Variants in CDC5L observed in about 807,000 individuals in gnomAD.
CDC5L encodes cell division cycle 5 like.
CDC5L carries 18 observed loss-of-function variants against 104.1 expected under a neutral mutation model. That is an observed-to-expected ratio of 0.17 (90% CI 0.12 to 0.26). CDC5L has a LOEUF of 0.26. Ranked by LOEUF, CDC5L falls within the 10% of genes least tolerant of loss-of-function variation. The probability of loss-of-function intolerance (pLI) is 1.00; values close to 1 mark genes in which losing one functional copy is unlikely to be tolerated. For missense variants in CDC5L, 673 were observed against 956.9 expected, an observed-to-expected ratio of 0.70 and a Z score of 3.91; for synonymous variants, 331 against 322.7, an observed-to-expected ratio of 1.03 and a Z score of -0.28.
At chr6:44,431,967 AACTT>A (rs1233359709) in intron 14 of CDC5L, among the ~76,000 whole-genome samples, 1 of 152,212 alleles carries the variant, frequency 6.6e-6, no homozygotes, top group Non-Finnish European at 1.5e-5. Flanking sequence ...ACTCTTGGAT[AACTT>A]ACTTTATTGT....
Position 44,387,885 on chromosome 6 carries a change from C to T in CDC5L, c.45+17C>T, listed in dbSNP as rs1246531850. ...AATACCGAGGTAAGTCTCCTTTTCC[C>T]GCCGTCCGCTGCCCGCCGCTCCCTC... On this transcript the variant is annotated intron_variant, in intron 1 of 15. Coordinates refer to ENST00000371477, the MANE Select transcript of CDC5L (RefSeq NM_001253.4). 2 of 1,554,418 alleles carry T rather than the reference C, an allele frequency of 1.3e-6. No homozygotes were observed. Among genetic ancestry groups the T allele is most frequent in the African/African-American group, 1.4e-5 (1 of 73,152 alleles).
rs371556779 is a variant in CDC5L at position 44,406,443 on chromosome 6, C to T, written c.879C>T (p.Ser293=). 3 of 1,610,270 alleles carry T rather than the reference C, an allele frequency of 1.9e-6. No individual in the cohort carries two copies. Among genetic ancestry groups the T allele is most frequent in the Non-Finnish European group, 2.5e-6 (3 of 1,179,082 alleles). The part of the protein sequence containing the change: ...SGVSEFTKKR[S]KLVLPAPQIS... The stretch of plus-strand genomic sequence containing the variant: ...TTTCTGAATTTACTAAAAAGAGAAG[C>T]AAACTAGTACTTCCTGCCCCTCAGG... Residue 293 remains serine (S), a synonymous_variant, in exon 7 of 16, where the codon AGC becomes AGT. Transcript: ENST00000371477.
chr6:44,433,997 G>A (rs931514003), intron 14 of CDC5L, among the ~76,000 whole-genome samples: 3 of 152,100 alleles, frequency 2.0e-5, no homozygotes, highest in Admixed American at 2.0e-4. Context: ...TTGTGTAGAG[G>A]TGGGGGAAGT....
At chr6:44,410,716 G>A (rs1327344155) in intron 8 of CDC5L, among the ~76,000 whole-genome samples, 1 of 152,034 alleles carries the variant, frequency 6.6e-6, no homozygotes, top group Non-Finnish European at 1.5e-5. Flanking sequence ...TATCTTACAT[G>A]ATTTATGATG....
rs1792330750 is a variant in CDC5L, at chr6:44,424,501, A to T, written c.1487A>T (p.Glu496Val). The change falls in exon 11 of 16, where the codon GAA becomes GTA. Residue 496 changes from glutamate (E) to valine (V), a missense_variant. Coordinates refer to ENST00000371477, the MANE Select transcript of CDC5L (RefSeq NM_001253.4). ...PKNDFEIVLP[E>V]NAEKELEERE... ...AATGATTTTGAAATTGTTCTACCAG[A>T]AAATGCCGAGAAGGAGCTGGAAGAA... is the stretch of plus-strand genomic sequence containing the variant. The T allele has an allele frequency of 1.2e-6, 2 of 1,613,856 alleles. No homozygotes were observed. Among genetic ancestry groups the T allele is most frequent in the Non-Finnish European group, 1.7e-6 (2 of 1,179,904 alleles).
chr6:44,440,977 G>A (rs1292226619), intron 14 of CDC5L, among the ~76,000 whole-genome samples: 1 of 152,032 alleles, frequency 6.6e-6, no homozygotes, highest in Non-Finnish European at 1.5e-5. Context: ...CAAAGTGTTG[G>A]GATTACAGGT....
chr6:44,436,212 C>T (rs1285763042), intron 14 of CDC5L, among the ~76,000 whole-genome samples: 1 of 152,182 alleles, frequency 6.6e-6, no homozygotes, highest in Non-Finnish European at 1.5e-5. Flanking sequence ...CTATATCACC[C>T]TTAGAGTTAC....
chr6:44,432,398 G>A (rs1336765029), intron 14 of CDC5L, among the ~76,000 whole-genome samples: 1 of 152,094 alleles, frequency 6.6e-6, no homozygotes, highest in Non-Finnish European at 1.5e-5. Flanking sequence ...TGCCATGGCT[G>A]CCAGTGTGTT....
intron 8 of CDC5L, among the ~76,000 whole-genome samples, chr6:44,411,318 G>A (rs577021719): frequency 1.3e-5 from 2 of 152,138 alleles, no homozygotes; most frequent in African/African-American, 4.8e-5. Flanking sequence ...GTCAGTGTTA[G>A]TTCTTTTGGG....
chr6:44,396,260 A>G (rs1276382288), intron 4 of CDC5L, 81 bp from the exon 5 acceptor site: 3 of 770,108 alleles, frequency 3.9e-6, no homozygotes, highest in Non-Finnish European at 6.4e-6. Flanking sequence ...TTTGAGCAAT[A>G]GAGTGTCTCT....
At chr6:44,416,085 T>C (rs573422744) in intron 8 of CDC5L, among the ~76,000 whole-genome samples, 1 of 152,322 alleles carries the variant, frequency 6.6e-6, no homozygotes, top group East Asian at 1.9e-4. Context: ...GGAGTTTTGC[T>C]TCTGTCTCTT....
intron 5 of CDC5L, among the ~76,000 whole-genome samples, chr6:44,400,440 T>A (rs1340779795): frequency 1.3e-5 from 2 of 152,220 alleles, no homozygotes; most frequent in East Asian, 3.8e-4. Context: ...CAGGCTGGAG[T>A]GCAGTGGCAT....
chr6:44,391,415 AT>A (rs1265532073), intron 2 of CDC5L, among the ~76,000 whole-genome samples: 1 of 151,854 alleles, frequency 6.6e-6, no homozygotes, highest in South Asian at 2.1e-4. Flanking sequence ...TTCCCGGCTA[AT>A]TTTTTGTATT....
At chr6:44,414,432 A>AT (rs1234219072) in intron 8 of CDC5L, among the ~76,000 whole-genome samples, 1 of 83,136 alleles carries the variant, frequency 1.2e-5, no homozygotes, top group Non-Finnish European at 2.6e-5. Flanking sequence ...GTGTGTGTGT[A>AT]TTTTTTTTTA....
intron 11 of CDC5L, 76 bp from the exon 12 acceptor site, chr6:44,426,027 C>G: frequency 1.0e-6 from 1 of 960,472 alleles, no homozygotes; most frequent in South Asian, 1.7e-5. Flanking sequence ...TCTTACATAC[C>G]AAAGTGTTTT....
In CDC5L at chr6:44,412,602, G is replaced by GTT. The variant is rs34931855; in HGVS notation, c.1092+3979_1092+3980dup. ...TTCACACTTGAAATTAAAAAAAATA[G>GTT]TTTTTTTTTTAATTTTGGGAAAAAA... On this transcript the variant is annotated intron_variant, in intron 8 of 15. Coordinates refer to ENST00000371477, the MANE Select transcript of CDC5L (RefSeq NM_001253.4). Among the ~76,000 whole-genome samples, 416 of 148,166 alleles carry GTT rather than the reference G, an allele frequency of 2.8e-3. 2 individuals are homozygous for GTT. Among genetic ancestry groups the GTT allele is most frequent in the African/African-American group, 8.2e-3 (332 of 40,288 alleles).
chr6:44,420,104 A>T (rs1792093888), intron 9 of CDC5L, among the ~76,000 whole-genome samples: 1 of 152,184 alleles, frequency 6.6e-6, no homozygotes, highest in Non-Finnish European at 1.5e-5. Flanking sequence ...GCATTTTATT[A>T]TGAAAATTTC....
chr6:44,404,926 C>G (rs1266094204), intron 6 of CDC5L, among the ~76,000 whole-genome samples: 1 of 152,096 alleles, frequency 6.6e-6, no homozygotes, highest in Non-Finnish European at 1.5e-5. Flanking sequence ...CTCCTAGGCT[C>G]AAGCTACCCT....
chr6:44,441,300 G>A (rs1793175861), intron 14 of CDC5L, among the ~76,000 whole-genome samples: 1 of 152,184 alleles, frequency 6.6e-6, no homozygotes, highest in Admixed American at 6.5e-5. Context: ...GTGTCCATCT[G>A]TTGTTGCAAA....
Sources: gnomAD v4.1 joint callset for allele counts (sites outside exome capture counted in the v4.1 genomes callset) on GRCh38, gnomAD v4.1.1 for gene constraint, MANE v1.5 for transcripts, NCBI Gene and HGNC (gene_info 2026-07-23, HGNC 2026-07-21) for gene names.